The following PIP5K1C variants were observed in gnomAD, a reference collection of about 807,000 sequenced individuals.
The protein encoded by PIP5K1C is phosphatidylinositol-4-phosphate 5-kinase type 1 gamma.
PIP5K1C carries 45 observed loss-of-function variants against 80.1 expected under a neutral mutation model. The observed-to-expected ratio is 0.56, with a 90% CI of 0.44 to 0.72. The LOEUF (loss-of-function observed/expected upper bound fraction) is 0.72. Among genes scored for constraint, PIP5K1C ranks in the 30% least tolerant of loss-of-function variants. The pLI is 0.00. For missense variants in PIP5K1C, 753 were observed against 954.6 expected (o/e 0.79, Z 2.78); for synonymous variants, 498 against 420.1 (o/e 1.19, Z -2.27).
At chr19:3,669,293 C>T (rs1199531743) in intron 1 of PIP5K1C, among the ~76,000 whole-genome samples, 1 of 152,186 alleles carries the variant, frequency 6.6e-6, no homozygotes, top group Non-Finnish European at 1.5e-5. Flanking sequence ...TGCCTCCCTG[C>T]TCTGGGCTGG....
intron 1 of PIP5K1C, among the ~76,000 whole-genome samples, chr19:3,685,400 A>G (rs2035726865): frequency 6.6e-6 from 1 of 152,198 alleles, no homozygotes; most frequent in South Asian, 2.1e-4. Context: ...AGGGGCTGGT[A>G]TACCACAGTC....
intron 3 of PIP5K1C, 132 bp downstream of exon 3, chr19:3,664,690 C>T (rs1600018794): frequency 2.5e-6 from 2 of 812,048 alleles, no homozygotes; most frequent in East Asian, 5.0e-5. Context: ...TGCCTCCACA[C>T]AGCCCACACC....
Position 3,688,109 on chromosome 19 carries a change from G to A in PIP5K1C, c.94+12188C>T, listed in dbSNP as rs1243592058. Reference sequence around the variant, plus strand: ...GAAGCCCGGCCCGTGCGGGCTGCGGGAGATCCTGATGGGCCCCGAGCTGAG... The same window carrying A: ...GAAGCCCGGCCCGTGCGGGCTGCGGAAGATCCTGATGGGCCCCGAGCTGAG... On this transcript the variant is annotated intron_variant, in intron 1 of 17. Transcript: ENST00000335312. This position sits in a 1 kb window ranked among gnomAD's most constrained non-coding sequence, Gnocchi z 5.3. 6.6e-6 allele frequency among the ~76,000 whole-genome samples: 1 copy of A among 152,170 alleles called. No homozygotes were observed. Among genetic ancestry groups the A allele is most frequent in the Non-Finnish European group, 1.5e-5 (1 of 68,014 alleles).
intron 1 of PIP5K1C, among the ~76,000 whole-genome samples, chr19:3,683,804 G>A (rs1467137099): frequency 6.6e-6 from 1 of 152,112 alleles, no homozygotes; most frequent in African/African-American, 2.4e-5. Context: ...TGGAGAGCTG[G>A]GATCAGCCCG....
At chr19:3,668,972 T>C (rs1055687186) in intron 1 of PIP5K1C, among the ~76,000 whole-genome samples, 2 of 151,982 alleles carry the variant, frequency 1.3e-5, no homozygotes, top group African/African-American at 2.4e-5. Context: ...TGCCTCCCTG[T>C]TGGATTCCGA....
chr19:3,635,551 G>A (rs1351307022), intron 16 of PIP5K1C, among the ~76,000 whole-genome samples: 2 of 152,232 alleles, frequency 1.3e-5, no homozygotes, highest in Non-Finnish European at 2.9e-5. Context: ...GGGGCATGGT[G>A]GCAGGAGCCT....
Position 3,656,495 on chromosome 19 carries a change from G to A in PIP5K1C, c.531C>T (p.Phe177=). 6.2e-7 allele frequency: 1 copy of A among 1,613,796 alleles called. No homozygotes were observed. The highest frequency in any genetic ancestry group is 8.5e-7 in the Non-Finnish European group (1 of 1,180,000). Residue 177 remains phenylalanine (F), a synonymous_variant, in exon 6 of 18, where the codon TTC becomes TTT. Transcript: ENST00000335312. ...TGAACTCGTCGTCGCTGGTGACGTA[G>A]AAGAGGGAGCCACTGGCGCCCGGGT... ...LSNPGASGSL[F]YVTSDDEFII...
At chr19:3,689,442 A>G (rs2035876775) in intron 1 of PIP5K1C, among the ~76,000 whole-genome samples, 1 of 152,008 alleles carries the variant, frequency 6.6e-6, no homozygotes, top group Non-Finnish European at 1.5e-5. Context: ...CAAGGTCAGG[A>G]GTTCGAGACC....
At chr19:3,642,794 G>T (rs1056520596) in intron 14 of PIP5K1C, 113 bp downstream of exon 14, 34 of 859,714 alleles carry the variant, frequency 4.0e-5, no homozygotes, top group Non-Finnish European at 6.2e-5. Context: ...TCTTAAATCT[G>T]TCCCCAGGAG....
intron 1 of PIP5K1C, among the ~76,000 whole-genome samples, chr19:3,681,653 G>A (rs1568353532): frequency 1.3e-5 from 2 of 152,238 alleles, no homozygotes; most frequent in South Asian, 2.1e-4. Context: ...TGAGGTGACT[G>A]GCATTGGACC....
intron 5 of PIP5K1C, among the ~76,000 whole-genome samples, chr19:3,657,725 A>G (rs949796797): frequency 4.0e-5 from 6 of 151,788 alleles, no homozygotes; most frequent in Non-Finnish European, 7.4e-5. Context: ...CAGGAGTTCA[A>G]GACCAGCCTG....
At chr19:3,645,918 G>A (rs1011110785) in intron 11 of PIP5K1C, 56 bp downstream of exon 11, 29 of 1,389,158 alleles carry the variant, frequency 2.1e-5, no homozygotes, top group East Asian at 1.6e-4. Context: ...CCTGCCCCAC[G>A]GCGCTCTGGG....
intron 1 of PIP5K1C, among the ~76,000 whole-genome samples, chr19:3,697,501 CCA>C (rs1491466888): frequency 2.6e-5 from 4 of 151,616 alleles, no homozygotes; most frequent in Non-Finnish European, 5.9e-5. Flanking sequence ...CCGAGCTGGA[CCA>C]GGGAGGACCA....
intron 15 of PIP5K1C, among the ~76,000 whole-genome samples, chr19:3,641,236 AAAAAT>A (rs2033949049): frequency 6.6e-6 from 1 of 152,084 alleles, no homozygotes; most frequent in African/African-American, 2.4e-5. Flanking sequence ...TTAAAAAATT[AAAAAT>A]AAAATAAAAT....
At chr19:3,687,607 G>A (rs549034856) in intron 1 of PIP5K1C, among the ~76,000 whole-genome samples, 35 of 151,106 alleles carry the variant, frequency 2.3e-4, no homozygotes, top group East Asian at 9.7e-4. Context: ...ATGCATACAC[G>A]CACACACACG....
In PIP5K1C at chr19:3,688,471, G is replaced by A. The variant is rs2035841141; in HGVS notation, c.94+11826C>T. 6.6e-6 allele frequency among the ~76,000 whole-genome samples: 1 copy of A among 152,114 alleles called. No homozygotes were observed. Among genetic ancestry groups the A allele is most frequent in the Admixed American group, 6.5e-5 (1 of 15,284 alleles). ...CAGGGCAGCACCCCCAGGACTCTGG[G>A]GCACACACGTCCCCAGGCAGCTCCG... is the stretch of plus-strand genomic sequence containing the variant. On this transcript the variant is annotated intron_variant, in intron 1 of 17. Coordinates refer to ENST00000335312, the MANE Select transcript of PIP5K1C (RefSeq NM_012398.3). This position sits in a 1 kb window ranked among gnomAD's most constrained non-coding sequence, Gnocchi z 5.3.
intron 1 of PIP5K1C, among the ~76,000 whole-genome samples, chr19:3,699,394 C>T (rs984054179): frequency 2.6e-5 from 4 of 152,170 alleles, no homozygotes; most frequent in African/African-American, 9.7e-5. Flanking sequence ...CTCCCCAACT[C>T]CCAGGCAGCA....
At chr19:3,646,681 A>C (rs1244459518) in intron 10 of PIP5K1C, among the ~76,000 whole-genome samples, 1 of 152,206 alleles carries the variant, frequency 6.6e-6, no homozygotes, top group Non-Finnish European at 1.5e-5. Flanking sequence ...ACATCCCCAG[A>C]GGCCTCTGCC....
In PIP5K1C at chr19:3,632,250, G is replaced by T. The variant is rs1015967854; in HGVS notation, c.*917C>A. On this transcript the variant is annotated 3_prime_UTR_variant, in exon 18 of 18. Coordinates refer to ENST00000335312, the MANE Select transcript of PIP5K1C (RefSeq NM_012398.3). Reference sequence around the variant, plus strand: ...CCATGTCTCCACGTGGAGGGGGCGGGGAGCCTGACCTTCCGCCCTGAGCTG... The same window carrying T: ...CCATGTCTCCACGTGGAGGGGGCGGTGAGCCTGACCTTCCGCCCTGAGCTG... 2 of 152,356 alleles carry T rather than the reference G, an allele frequency of 1.3e-5. No individual in the cohort carries two copies. Among genetic ancestry groups the T allele is most frequent in the African/African-American group, 2.4e-5 (1 of 41,472 alleles). 9.4% of individuals were successfully genotyped at this position (152,356 alleles called of 1,614,324 possible).
Sources: allele counts gnomAD v4.1 joint callset (sites outside exome capture counted in the v4.1 genomes callset), GRCh38; gene constraint gnomAD v4.1.1; non-coding constraint Gnocchi (gnomAD v3.1); transcripts MANE v1.5; gene names NCBI Gene and HGNC (gene_info 2026-07-23, HGNC 2026-07-21).